The following ABCB5 variants were observed in gnomAD, a reference collection of about 807,000 sequenced individuals.
ABCB5 encodes the protein ATP binding cassette subfamily B member 5, also known as ATP-binding cassette sub-family B member 5.
In ABCB5, 155 loss-of-function variants were observed where a neutral mutation model predicts 144.2. The ratio of observed to expected loss-of-function variants is 1.08; its 90% CI spans 0.94 to 1.23. The LOEUF is 1.23. Ranked by LOEUF, ABCB5 falls within the 50% of genes most tolerant of loss-of-function variation. The probability of loss-of-function intolerance (pLI) is 0.00; values close to 1 mark genes in which losing one functional copy is unlikely to be tolerated. For synonymous variants in ABCB5, 610 were observed against 528.6 expected (o/e 1.15, Z -2.11); for missense variants, 1,830 against 1,520.8 (o/e 1.20, Z -3.38).
intron 17 of ABCB5, 61 bp from the exon 18 acceptor site, chr7:20,699,764 A>G: frequency 1.7e-6 from 2 of 1,174,340 alleles, no homozygotes; most frequent in Non-Finnish European, 1.2e-6. Flanking sequence ...AGAAATTTTC[A>G]CTTTTTCTGT....
intron 23 of ABCB5, among the ~76,000 whole-genome samples, chr7:20,735,061 T>C (rs1233970227): frequency 3.9e-5 from 6 of 152,308 alleles, no homozygotes; most frequent in East Asian, 1.9e-4. Context: ...TGCAAAGCTT[T>C]CTCTATCTCT....
intron 14 of ABCB5, among the ~76,000 whole-genome samples, chr7:20,661,977 G>C (rs1785017837): frequency 6.6e-6 from 1 of 152,142 alleles, no homozygotes; most frequent in Non-Finnish European, 1.5e-5. Flanking sequence ...TACTTGTTTT[G>C]ACCTGGTGTG....
At chr7:20,712,158 CAAAAAA>C (rs34938819) in intron 20 of ABCB5, among the ~76,000 whole-genome samples, 8 of 52,644 alleles carry the variant, frequency 1.5e-4, no homozygotes, top group Admixed American at 5.7e-4. Flanking sequence ...AAGACGCCGT[CAAAAAA>C]AAAAAAAAAA....
intron 10 of ABCB5, 79 bp from the exon 11 acceptor site, chr7:20,647,889 T>A (rs1784457477): frequency 8.9e-7 from 1 of 1,117,390 alleles, no homozygotes; most frequent in Non-Finnish European, 1.3e-6. Context: ...AAGAAAACCA[T>A]CCTTATACTA....
chr7:20,752,018 C>G (rs763186064), intron 26 of ABCB5, among the ~76,000 whole-genome samples: 1 of 152,164 alleles, frequency 6.6e-6, no homozygotes, highest in Non-Finnish European at 1.5e-5. Context: ...TAAGGTTATA[C>G]CACAGGTTCG....
intron 7 of ABCB5, among the ~76,000 whole-genome samples, chr7:20,645,326 G>T (rs1372889585): frequency 6.6e-6 from 1 of 152,144 alleles, no homozygotes; most frequent in Non-Finnish European, 1.5e-5. Context: ...CACTTTAACA[G>T]TTATCCAAGC....
At chr7:20,697,029 C>T (rs1786441806) in intron 16 of ABCB5, among the ~76,000 whole-genome samples, 1 of 152,092 alleles carries the variant, frequency 6.6e-6, no homozygotes, top group Admixed American at 6.6e-5. Context: ...TTTTGTAATG[C>T]ACTTAGTTTC....
chr7:20,726,181 G>C (rs905657367), intron 21 of ABCB5, among the ~76,000 whole-genome samples: 1 of 152,012 alleles, frequency 6.6e-6, no homozygotes, highest in African/African-American at 2.4e-5. Context: ...CATCACATTT[G>C]AATTAAATGT....
chr7:20,660,249 CTG>C lies in ABCB5; in HGVS notation c.1707+1576_1707+1577del, dbSNP rs374526973. ...ATTCCAAAATTACACAAAATAGCAA[CTG>C]TGAAAAAAATGAAGGCAATATATGA... is the stretch of plus-strand genomic sequence containing the variant. On this transcript the variant is annotated intron_variant, in intron 14 of 27. Coordinates refer to ENST00000404938, the MANE Select transcript of ABCB5 (RefSeq NM_001163941.2). 2.7e-5 allele frequency: 27 copies of C among 985,098 alleles called. No homozygotes were observed. In the African/African-American group the frequency reaches 4.2e-4, roughly 15 times the overall value. The allele number at this position is 985,098 out of a possible 1,614,324, so 61.0% of individuals were successfully genotyped here.
chr7:20,644,210 A>G (rs1784355836), intron 7 of ABCB5, among the ~76,000 whole-genome samples: 1 of 151,798 alleles, frequency 6.6e-6, no homozygotes, highest in Non-Finnish European at 1.5e-5. Flanking sequence ...CTCAGATCCC[A>G]AGTAGCTGGG....
At chr7:20,734,791 C>T (rs987941661) in intron 23 of ABCB5, among the ~76,000 whole-genome samples, 5 of 152,036 alleles carry the variant, frequency 3.3e-5, no homozygotes, top group African/African-American at 4.8e-5. Context: ...GGCATAGGGG[C>T]GTTTAGAAAA....
chr7:20,681,661 T>C lies in ABCB5; in HGVS notation c.1864T>C (p.Ser622Pro), dbSNP rs1206397226. The change falls in exon 15 of 28, where the codon TCA becomes CCA. Residue 622 changes from serine to proline, a missense_variant. Ser to Pro is a moderately conservative substitution (Grantham distance 74). Transcript: ENST00000404938. ...KRGLYYSLVM[S>P]QDIKKADEQM... ...AGGTCTATATTATTCACTTGTGATG[T>C]CACAGGTAATGCTTATGTGACATAA... 1.2e-6 allele frequency: 2 copies of C among 1,613,722 alleles called. No individual in the cohort carries two copies. Among genetic ancestry groups the C allele is most frequent in the African/African-American group, 2.7e-5 (2 of 74,926 alleles).
intron 26 of ABCB5, among the ~76,000 whole-genome samples, chr7:20,749,058 T>TTG (rs1782825590): frequency 1.3e-5 from 2 of 151,978 alleles, no homozygotes; most frequent in Non-Finnish European, 2.9e-5. Context: ...CTCCCTTTCT[T>TTG]TCTCTCTCCC....
At position 20,646,024 on chromosome 7, in the gene ABCB5, G is replaced by A. The variant is rs1784398334; in HGVS notation, c.867G>A (p.Val289=). ...TAAAAAGGACTATAGCTTCAAAAGT[G>A]TCTCTTGGTGCTGTGTACTTCTTTA... ...FGIKRTIASK[V]SLGAVYFFMN... is the part of the protein sequence containing the mutation. The change falls in exon 9 of 28, where the codon GTG becomes GTA. Residue 289 remains valine (V), a synonymous_variant. Transcript: ENST00000404938. 6.2e-6 allele frequency: 10 copies of A among 1,613,746 alleles called. No individual in the cohort carries two copies. The highest frequency in any genetic ancestry group is 8.5e-6 in the Non-Finnish European group (10 of 1,179,814).
At chr7:20,709,009 G>A (rs898101550) in intron 20 of ABCB5, among the ~76,000 whole-genome samples, 6 of 152,250 alleles carry the variant, frequency 3.9e-5, no homozygotes, top group Middle Eastern at 3.4e-3. Flanking sequence ...ACCAGCAACT[G>A]AGCAGTGTCA....
chr7:20,711,403 G>T (rs1787026419), intron 20 of ABCB5, among the ~76,000 whole-genome samples: 1 of 147,230 alleles, frequency 6.8e-6, no homozygotes, highest in Non-Finnish European at 1.5e-5. Flanking sequence ...TAATTTTTTT[G>T]AAATATATTT....
intron 14 of ABCB5, among the ~76,000 whole-genome samples, chr7:20,675,323 G>T (rs1785566361): frequency 6.6e-6 from 1 of 151,856 alleles, no homozygotes; most frequent in Non-Finnish European, 1.5e-5. Flanking sequence ...AGAATAGAAA[G>T]CCCAGAAATA....
At chr7:20,724,671 GT>G (rs911832956) in intron 21 of ABCB5, among the ~76,000 whole-genome samples, 1 of 147,222 alleles carries the variant, frequency 6.8e-6, no homozygotes, top group Non-Finnish European at 1.5e-5. Context: ...TCCTAATACT[GT>G]TTCAGAGCTC....
In ABCB5 at chr7:20,753,489, G is replaced by A. The variant is rs759087816; in HGVS notation, c.3559G>A (p.Asp1187Asn). 38 of 1,613,006 alleles carry A rather than the reference G, an allele frequency of 2.4e-5. No homozygotes were observed. The South Asian group carries it at 2.9e-4, about 12-fold the overall frequency. ...LLLDEATSAL[D>N]NDSEKVVQHA... Reference sequence around the variant, plus strand: ...GTTGGATGAGGCCACTTCAGCCCTCGATAATGACAGTGAGAAGGTAACATC... The same window carrying A: ...GTTGGATGAGGCCACTTCAGCCCTCAATAATGACAGTGAGAAGGTAACATC... The change falls in exon 27 of 28, where the codon GAT (aspartate) becomes AAT (asparagine). Residue 1187 changes from aspartate (D) to asparagine (N), a missense_variant. Transcript: ENST00000404938.
Sources: allele counts gnomAD v4.1 joint callset (sites outside exome capture counted in the v4.1 genomes callset), GRCh38; gene constraint gnomAD v4.1.1; transcripts MANE v1.5; gene names NCBI Gene and HGNC (gene_info 2026-07-23, HGNC 2026-07-21).